RAB38: variants seen among roughly 807,000 people sequenced by gnomAD.
The protein encoded by RAB38 is ras-related protein Rab-38.
RAB38 carries 15 observed loss-of-function variants against 18.4 expected under a neutral mutation model. The observed-to-expected ratio is 0.82, with a 90% CI of 0.55 to 1.26. The LOEUF is 1.26. Ranked by LOEUF, RAB38 falls within the 50% of genes most tolerant of loss-of-function variation. RAB38 has a pLI of 0.00. For missense variants in RAB38, 294 were observed against 267.4 expected (o/e 1.10, Z -0.69); for synonymous variants, 101 against 104.4 (o/e 0.97, Z 0.20).
At chr11:88,103,789 A>G in the RAB38 span, among the ~76,000 whole-genome samples, 1 of 152,140 alleles carries the variant, frequency 6.6e-6, no homozygotes, top group Non-Finnish European at 1.5e-5. Flanking sequence ...AGTAGGCACA[A>G]TGTAAAGCCT....
chr11:87,878,222 T>TATATATATATATACAC, the RAB38 span, among the ~76,000 whole-genome samples: 303 of 116,198 alleles, frequency 2.6e-3, 10 homozygotes, highest in Middle Eastern at 4.1e-3. Context: ...TATATATATA[T>TATATATATATATACAC]ACACACATAT....
the RAB38 span, among the ~76,000 whole-genome samples, chr11:87,810,048 A>T: frequency 1.3e-5 from 2 of 152,116 alleles, no homozygotes; most frequent in African/African-American, 4.8e-5. Context: ...TAAGGGAAAC[A>T]TTTTTCCAAT....
the RAB38 span, among the ~76,000 whole-genome samples, chr11:87,930,531 T>A: frequency 4.5e-3 from 691 of 152,322 alleles, 4 homozygotes; most frequent in Non-Finnish European, 6.6e-3. Context: ...TTCACTCTGA[T>A]GGTACTTTCT....
chr11:87,863,338 CA>C, the RAB38 span, among the ~76,000 whole-genome samples: 1 of 151,704 alleles, frequency 6.6e-6, no homozygotes, highest in African/African-American at 2.4e-5. Flanking sequence ...TCAAGTACCC[CA>C]AAAGTACCCA....
At chr11:87,819,038 A>G in the RAB38 span, among the ~76,000 whole-genome samples, 2 of 152,222 alleles carry the variant, frequency 1.3e-5, no homozygotes, top group African/African-American at 4.8e-5. Context: ...CTGGATTCAA[A>G]TGAAGACCAG....
the RAB38 span, among the ~76,000 whole-genome samples, chr11:87,820,221 GA>G: frequency 6.6e-6 from 1 of 152,124 alleles, no homozygotes; most frequent in Non-Finnish European, 1.5e-5. Flanking sequence ...TGGACTGATG[GA>G]GTGAAAGAGA....
At chr11:88,106,290 C>T in the RAB38 span, among the ~76,000 whole-genome samples, 2 of 151,892 alleles carry the variant, frequency 1.3e-5, no homozygotes, top group African/African-American at 2.4e-5. Context: ...CTCAGAGCAG[C>T]GAATTGATAG....
At chr11:87,954,886 T>G in the RAB38 span, among the ~76,000 whole-genome samples, 32 of 152,252 alleles carry the variant, frequency 2.1e-4, no homozygotes, top group East Asian at 5.6e-3. Context: ...AAGAAACAAG[T>G]GTCAGCTCCA....
At chr11:87,929,900 T>G in the RAB38 span, among the ~76,000 whole-genome samples, 1 of 152,100 alleles carries the variant, frequency 6.6e-6, no homozygotes, top group African/African-American at 2.4e-5. Context: ...GAACTCATCA[T>G]TTTTTATGGC....
intron 2 of RAB38, among the ~76,000 whole-genome samples, chr11:88,122,298 A>G (rs1418638629): frequency 6.6e-6 from 1 of 152,200 alleles, no homozygotes; most frequent in Non-Finnish European, 1.5e-5. Context: ...TTTGTTTTTA[A>G]TTCAGTAAGT....
the RAB38 span, among the ~76,000 whole-genome samples, chr11:88,081,946 G>A: frequency 6.6e-6 from 1 of 151,922 alleles, no homozygotes; most frequent in South Asian, 2.1e-4. Flanking sequence ...ACTAATACAT[G>A]TAACAAAAAG....
At chr11:88,145,063 A>C (rs371640653) in intron 2 of RAB38, among the ~76,000 whole-genome samples, 84 of 152,134 alleles carry the variant, frequency 5.5e-4, no homozygotes, top group African/African-American at 1.3e-3. Context: ...AGACAGTAGG[A>C]ATGGTGTAGA....
the RAB38 span, among the ~76,000 whole-genome samples, chr11:88,100,442 T>C: frequency 1.3e-5 from 2 of 151,982 alleles, no homozygotes; most frequent in Non-Finnish European, 2.9e-5. Flanking sequence ...GTCTTTCCGA[T>C]GGCATGTTAA....
chr11:87,874,437 T>TA, the RAB38 span, among the ~76,000 whole-genome samples: 2 of 151,132 alleles, frequency 1.3e-5, no homozygotes, highest in African/African-American at 2.4e-5. Context: ...CCTGAACAGA[T>TA]ACCTTTTAAA....
chr11:88,124,343 C>T (rs749039166), intron 2 of RAB38, among the ~76,000 whole-genome samples: 3 of 152,032 alleles, frequency 2.0e-5, no homozygotes, highest in South Asian at 2.1e-4. Context: ...AGGCAACCTA[C>T]GAATGGGAGA....
At chr11:87,928,629 T>G in the RAB38 span, among the ~76,000 whole-genome samples, 1 of 152,048 alleles carries the variant, frequency 6.6e-6, no homozygotes, top group African/African-American at 2.4e-5. Flanking sequence ...TAAAACACTG[T>G]CAACACAATA....
At chr11:88,056,006 ATT>A in the RAB38 span, among the ~76,000 whole-genome samples, 62 of 146,768 alleles carry the variant, frequency 4.2e-4, no homozygotes, top group Non-Finnish European at 1.9e-4. Flanking sequence ...GAATGCATGT[ATT>A]TTTTTCTTTC....
At chr11:88,057,390 G>A in the RAB38 span, among the ~76,000 whole-genome samples, 1 of 151,820 alleles carries the variant, frequency 6.6e-6, no homozygotes, top group East Asian at 1.9e-4. Context: ...TGAAATCCCA[G>A]CCCTGAAGCT....
the RAB38 span, among the ~76,000 whole-genome samples, chr11:88,030,907 G>C: frequency 4.0e-5 from 6 of 151,088 alleles, no homozygotes; most frequent in East Asian, 1.9e-4. Context: ...ATACCAAAGC[G>C]GGGCAGAGAC....
Sources: gnomAD v4.1 joint callset for allele counts (sites outside exome capture counted in the v4.1 genomes callset) on GRCh38, gnomAD v4.1.1 for gene constraint, MANE v1.5 for transcripts, NCBI Gene and HGNC (gene_info 2026-07-23, HGNC 2026-07-21) for gene names.